SULF1: variants seen among roughly 807,000 people sequenced by gnomAD.
SULF1 encodes the protein extracellular sulfatase Sulf-1.
A neutral mutation model predicts 110.5 loss-of-function variants in SULF1; 46 were observed. The ratio of observed to expected loss-of-function variants is 0.42; its 90% CI spans 0.33 to 0.53. SULF1 has a LOEUF of 0.53. SULF1 is among the 20% of genes least tolerant of loss of function. The pLI is 0.12. For missense variants in SULF1, 941 were observed against 1,094.2 expected (o/e 0.86, Z 1.98); for synonymous variants, 371 against 387.1 (o/e 0.96, Z 0.49).
chr8:69,514,881 T>C (rs1052679245), intron 3 of SULF1, among the ~76,000 whole-genome samples: 3 of 152,212 alleles, frequency 2.0e-5, no homozygotes, highest in African/African-American at 7.2e-5. Flanking sequence ...TTTGATTTTA[T>C]ATCTCATATC....
chr8:69,625,092 T>A (rs1268846333), intron 15 of SULF1, among the ~76,000 whole-genome samples: 1 of 152,216 alleles, frequency 6.6e-6, no homozygotes. Context: ...CCTGGGGCTG[T>A]TTGTTTACTT....
At chr8:69,645,924 T>C (rs1253219723) in intron 22 of SULF1, among the ~76,000 whole-genome samples, 1 of 151,892 alleles carries the variant, frequency 6.6e-6, no homozygotes, top group Non-Finnish European at 1.5e-5. Flanking sequence ...ATATTAATTC[T>C]ATATAAATAT....
chr8:69,594,174 C>T (rs1208957157), intron 8 of SULF1, among the ~76,000 whole-genome samples: 2 of 152,102 alleles, frequency 1.3e-5, no homozygotes, highest in African/African-American at 4.8e-5. Context: ...GCCTCAGCCT[C>T]CTGAGTAGCT....
At chr8:69,519,763 A>G (rs1812166460) in intron 3 of SULF1, among the ~76,000 whole-genome samples, 1 of 152,200 alleles carries the variant, frequency 6.6e-6, no homozygotes, top group African/African-American at 2.4e-5. Flanking sequence ...AGTCTTCTAA[A>G]GGACTACGGT....
intron 14 of SULF1, among the ~76,000 whole-genome samples, chr8:69,621,503 A>C (rs547167745): frequency 6.6e-6 from 1 of 152,244 alleles, no homozygotes; most frequent in African/African-American, 2.4e-5. Flanking sequence ...ACATATGCAC[A>C]CATAAAAGAG....
chr8:69,543,590 A>G (rs1586354897), intron 3 of SULF1, among the ~76,000 whole-genome samples: 1 of 152,188 alleles, frequency 6.6e-6, no homozygotes, highest in African/African-American at 2.4e-5. Context: ...TCCACAATGT[A>G]TATGTACCAC....
intron 2 of SULF1, among the ~76,000 whole-genome samples, chr8:69,497,351 T>C (rs1160742735): frequency 6.6e-6 from 1 of 151,834 alleles, no homozygotes; most frequent in Non-Finnish European, 1.5e-5. Flanking sequence ...AGAGACGGGG[T>C]TTCACCATGT....
intron 3 of SULF1, among the ~76,000 whole-genome samples, chr8:69,554,664 A>AAAAAAAAG (rs1554576917): frequency 6.6e-6 from 1 of 151,988 alleles, no homozygotes; most frequent in East Asian, 1.9e-4. Flanking sequence ...CCTTTCTAAA[A>AAAAAAAAG]AAAAAGAAAA....
intron 22 of SULF1, among the ~76,000 whole-genome samples, chr8:69,645,052 G>C (rs1811783823): frequency 6.6e-6 from 1 of 152,176 alleles, no homozygotes; most frequent in Non-Finnish European, 1.5e-5. Context: ...CTAAGGTGTT[G>C]AGGACACTTG....
chr8:69,643,503 A>G (rs1811646790), intron 22 of SULF1, among the ~76,000 whole-genome samples: 1 of 152,236 alleles, frequency 6.6e-6, no homozygotes, highest in African/African-American at 2.4e-5. Context: ...AGAATTTGAA[A>G]TTTGAAAATT....
chr8:69,573,645 T>C (rs1805399212), intron 5 of SULF1, among the ~76,000 whole-genome samples: 1 of 152,172 alleles, frequency 6.6e-6, no homozygotes, highest in South Asian at 2.1e-4. Context: ...ACTGCAGAGA[T>C]CTAAAGAGGA....
chr8:69,478,834 G>A (rs7002143), intron 1 of SULF1, among the ~76,000 whole-genome samples: 3 of 152,100 alleles, frequency 2.0e-5, no homozygotes. Flanking sequence ...CATCTATCAA[G>A]CATAGCTTCA....
chr8:69,485,874 C>T (rs1480486548), intron 1 of SULF1, among the ~76,000 whole-genome samples: 3 of 152,118 alleles, frequency 2.0e-5, no homozygotes, highest in Non-Finnish European at 2.9e-5. Flanking sequence ...GTCTGGAATC[C>T]ACTGTTTTCT....
rs1327148812 is a variant in SULF1 at position 69,659,291 on chromosome 8, G to T, written c.*756G>T. 1 of 433,602 alleles carries T rather than the reference G, an allele frequency of 2.3e-6. No individual in the cohort carries two copies. The highest frequency in any genetic ancestry group is 3.4e-4 in the Middle Eastern group (1 of 2,920). 26.9% of individuals were successfully genotyped at this position (433,602 alleles called of 1,614,324 possible). A position where few individuals can be genotyped will look rare whatever the true frequency, so the allele number is the denominator to read the frequency against. The stretch of plus-strand genomic sequence containing the variant: ...AAGGAGAAGTCACAGCACCTAGAAG[G>T]CAGCGCCTCCTCTTCACTCTCCTCT... On this transcript the variant is annotated 3_prime_UTR_variant, in exon 23 of 23. Coordinates refer to ENST00000402687, the MANE Select transcript of SULF1 (RefSeq NM_001128205.2).
intron 3 of SULF1, among the ~76,000 whole-genome samples, chr8:69,548,330 TA>T (rs1408192426): frequency 7.2e-5 from 11 of 152,132 alleles, no homozygotes; most frequent in African/African-American, 2.7e-4. Context: ...GAAGCATCCA[TA>T]AGGAATTTCA....
Position 69,507,610 on chromosome 8 carries a change from C to A in SULF1, c.-134+5642C>A, listed in dbSNP as rs80246466. On this transcript the variant is annotated intron_variant, in intron 3 of 22. Transcript: ENST00000402687. Reference sequence around the variant, plus strand: ...TTATTGCATTAAATAGGGCTTAAAACAAATAAGCCATTGGCTGAGGCCTTT... The same window carrying A: ...TTATTGCATTAAATAGGGCTTAAAAAAAATAAGCCATTGGCTGAGGCCTTT... Among the ~76,000 whole-genome samples, 845 of 152,240 alleles carry A rather than the reference C, an allele frequency of 5.6e-3. 7 individuals are homozygous for A. The highest frequency in any genetic ancestry group is 0.019 in the African/African-American group (798 of 41,536).
intron 1 of SULF1, among the ~76,000 whole-genome samples, chr8:69,474,377 G>A (rs778026860): frequency 1.3e-4 from 20 of 152,052 alleles, no homozygotes; most frequent in Non-Finnish European, 2.5e-4. Flanking sequence ...TAGACTTCTT[G>A]CCAATTTAAA....
At chr8:69,566,957 G>T (rs1004634046) in intron 5 of SULF1, among the ~76,000 whole-genome samples, 1 of 152,238 alleles carries the variant, frequency 6.6e-6, no homozygotes, top group Admixed American at 6.5e-5. Context: ...GAGAAGTCAT[G>T]TAGCTTGTGG....
upstream of SULF1, among the ~76,000 whole-genome samples, chr8:69,492,005 G>A (rs548901367): frequency 2.7e-5 from 4 of 148,764 alleles, no homozygotes; most frequent in South Asian, 9.0e-4. Context: ...TTGAAAGGCC[G>A]TCTTTAGAGA....
Sources: gnomAD v4.1 joint callset for allele counts (sites outside exome capture counted in the v4.1 genomes callset) on GRCh38, gnomAD v4.1.1 for gene constraint, MANE v1.5 for transcripts, NCBI Gene and HGNC (gene_info 2026-07-23, HGNC 2026-07-21) for gene names.